Variants in SAMD5 observed in about 807,000 individuals in gnomAD.
SAMD5 encodes sterile alpha motif domain containing 5.
Under a neutral mutation model 11.3 loss-of-function variants are expected in SAMD5, and 13 were observed. The observed-to-expected ratio is 1.15, with a 90% confidence interval of 0.75 to 1.83. The LOEUF (loss-of-function observed/expected upper bound fraction) is 1.83. Among genes scored for constraint, SAMD5 ranks in the 40% most tolerant of loss-of-function variants. SAMD5 has a pLI of 0.00. For missense variants in SAMD5, 255 were observed against 239.1 expected (o/e 1.07, Z -0.44); for synonymous variants, 129 against 111.3 (o/e 1.16, Z -1.00).
chr6:147,527,630 GT>G (rs1788363490), intron 1 of SAMD5, among the ~76,000 whole-genome samples: 1 of 151,940 alleles, frequency 6.6e-6, no homozygotes, highest in African/African-American at 2.4e-5. Flanking sequence ...ATACAATCAT[GT>G]CTTCCCAACA....
the SAMD5 span, among the ~76,000 whole-genome samples, chr6:147,785,341 C>A: frequency 6.6e-6 from 1 of 152,170 alleles, no homozygotes; most frequent in African/African-American, 2.4e-5. Flanking sequence ...CTTGATGTCC[C>A]CGACACTGTG....
the SAMD5 span, among the ~76,000 whole-genome samples, chr6:147,913,477 C>A: frequency 2.6e-5 from 4 of 152,120 alleles, no homozygotes; most frequent in Non-Finnish European, 5.9e-5. Flanking sequence ...GGGTGGATCA[C>A]CTGAGGTCAG....
chr6:147,579,852 A>C (rs1227920455), intron 1 of SAMD5, among the ~76,000 whole-genome samples: 1 of 152,208 alleles, frequency 6.6e-6, no homozygotes, highest in African/African-American at 2.4e-5. Context: ...AATGATGCCC[A>C]ACATATTTTC....
intron 1 of SAMD5, among the ~76,000 whole-genome samples, chr6:147,526,315 T>A (rs1788338729): frequency 6.6e-6 from 1 of 152,250 alleles, no homozygotes; most frequent in Admixed American, 6.5e-5. Flanking sequence ...ACCAAGAATG[T>A]GCAAAGCACT....
At chr6:147,952,719 G>A in the SAMD5 span, among the ~76,000 whole-genome samples, 1 of 152,098 alleles carries the variant, frequency 6.6e-6, no homozygotes, top group Non-Finnish European at 1.5e-5. Context: ...TGCCATGTTG[G>A]CCAGGCTAGT....
At position 147,682,740 on chromosome 6, in the gene SAMD5, T is replaced by G. The variant is rs556691948; in HGVS notation, c.163-54577T>G. On this transcript the variant is annotated intron_variant, in intron 1 of 1. Transcript: ENST00000566741. ...TGCTGAGAATAGTAAATAATTATCCTTACTGGTCTTTACATTTTTAAATCT... is the reference window on the plus strand; with the variant it reads ...TGCTGAGAATAGTAAATAATTATCCGTACTGGTCTTTACATTTTTAAATCT... 2.0e-5 allele frequency among the ~76,000 whole-genome samples: 3 copies of G among 151,056 alleles called. No homozygotes were observed. The East Asian group carries it at 5.9e-4, about 30-fold the overall frequency.
the SAMD5 span, among the ~76,000 whole-genome samples, chr6:147,779,497 C>CTT: frequency 2.5e-3 from 349 of 140,860 alleles, 1 homozygote; most frequent in African/African-American, 8.5e-3. Context: ...TGAAGTCATC[C>CTT]TTTTTTTTTT....
At chr6:147,537,755 CAAA>C (rs34367490) in intron 1 of SAMD5, among the ~76,000 whole-genome samples, 9 of 139,996 alleles carry the variant, frequency 6.4e-5, no homozygotes, top group African/African-American at 7.8e-5. Context: ...GACTCCGTCT[CAAA>C]AAAAAAAAAA....
the SAMD5 span, among the ~76,000 whole-genome samples, chr6:147,772,893 G>A: frequency 2.6e-5 from 4 of 152,332 alleles, no homozygotes; most frequent in East Asian, 7.7e-4. Context: ...GTCGAAGTGA[G>A]AAGTTGACTT....
chr6:147,720,473 A>C (rs1199002253), intron 1 of SAMD5, among the ~76,000 whole-genome samples: 5 of 151,786 alleles, frequency 3.3e-5, no homozygotes, highest in African/African-American at 4.8e-5. Flanking sequence ...AAAAAAAAAA[A>C]AACCTTCCAC....
At chr6:147,777,849 T>C in the SAMD5 span, among the ~76,000 whole-genome samples, 4 of 152,214 alleles carry the variant, frequency 2.6e-5, no homozygotes, top group Non-Finnish European at 5.9e-5. Context: ...GAACTTCATT[T>C]CTTTTTATGG....
At chr6:147,592,994 GC>G (rs1161676648) in intron 1 of SAMD5, among the ~76,000 whole-genome samples, 4 of 152,008 alleles carry the variant, frequency 2.6e-5, no homozygotes, top group African/African-American at 9.7e-5. Flanking sequence ...TTTTTTAACA[GC>G]TATGTGGTAG....
chr6:147,835,243 A>AC, the SAMD5 span, among the ~76,000 whole-genome samples: 2 of 150,616 alleles, frequency 1.3e-5, no homozygotes, highest in African/African-American at 4.9e-5. Flanking sequence ...AAAAAAAAAA[A>AC]AAACAAAAAA....
At chr6:147,705,095 T>C (rs1042011092) in intron 1 of SAMD5, among the ~76,000 whole-genome samples, 1 of 152,228 alleles carries the variant, frequency 6.6e-6, no homozygotes, top group Middle Eastern at 3.2e-3. Flanking sequence ...GAGGCGAACC[T>C]TGTAAGACAG....
chr6:147,745,277 A>G, the SAMD5 span, among the ~76,000 whole-genome samples: 1 of 152,194 alleles, frequency 6.6e-6, no homozygotes, highest in East Asian at 1.9e-4. Context: ...GGGTATGTGA[A>G]GATTCAGTCT....
the SAMD5 span, among the ~76,000 whole-genome samples, chr6:147,941,162 A>G: frequency 6.6e-6 from 1 of 152,170 alleles, no homozygotes; most frequent in Non-Finnish European, 1.5e-5. Context: ...TCTATTTTCA[A>G]TACACAATAT....
At chr6:147,790,217 A>G in the SAMD5 span, among the ~76,000 whole-genome samples, 1 of 152,250 alleles carries the variant, frequency 6.6e-6, no homozygotes, top group East Asian at 1.9e-4. Flanking sequence ...TATCTATACA[A>G]TGGAATATTA....
At chr6:147,900,475 G>T in the SAMD5 span, among the ~76,000 whole-genome samples, 2 of 152,222 alleles carry the variant, frequency 1.3e-5, no homozygotes, top group Non-Finnish European at 2.9e-5. Context: ...TGCTGCGGTA[G>T]TAAGACCAGC....
At chr6:147,844,358 G>A in the SAMD5 span, among the ~76,000 whole-genome samples, 1 of 152,156 alleles carries the variant, frequency 6.6e-6, no homozygotes. Context: ...TGTGGAGGAT[G>A]TGGAGAGAAG....
Sources: gnomAD v4.1 joint callset for allele counts (sites outside exome capture counted in the v4.1 genomes callset) on GRCh38, gnomAD v4.1.1 for gene constraint, MANE v1.5 for transcripts, NCBI Gene and HGNC (gene_info 2026-07-23, HGNC 2026-07-21) for gene names.